Variants in OPCML observed in about 807,000 individuals in gnomAD.
OPCML encodes opioid binding protein/cell adhesion molecule like, also known as opioid-binding protein/cell adhesion molecule.
A neutral mutation model predicts 37.8 loss-of-function variants in OPCML; 13 were observed. The observed-to-expected ratio is 0.34, with a 90% CI of 0.22 to 0.55. OPCML has a LOEUF of 0.55. Among genes scored for constraint, OPCML ranks in the 20% least tolerant of loss-of-function variants. The pLI is 0.91. For synonymous variants in OPCML, 176 were observed against 168.8 expected (o/e 1.04, Z -0.33); for missense variants, 341 against 435.6 (o/e 0.78, Z 1.93).
chr11:132,507,155 A>C, intron 4 of OPCML, among the ~76,000 whole-genome samples: 1 of 152,004 alleles, frequency 6.6e-6, no homozygotes, highest in East Asian at 1.9e-4. Context: ...TTCATATTAA[A>C]GCTCTAATTA....
chr11:133,238,450 A>G (rs1474667956), intron 1 of OPCML, among the ~76,000 whole-genome samples: 1 of 152,228 alleles, frequency 6.6e-6, no homozygotes, highest in East Asian at 1.9e-4. Context: ...CTATTGGCTT[A>G]AATAAATTAT....
At chr11:132,729,292 C>G (rs1944995254) in intron 2 of OPCML, among the ~76,000 whole-genome samples, 1 of 152,126 alleles carries the variant, frequency 6.6e-6, no homozygotes, top group Non-Finnish European at 1.5e-5. Flanking sequence ...TTAAAGCCCT[C>G]ATGAATGGAT....
At chr11:133,468,361 G>C (rs890177032) in intron 1 of OPCML, among the ~76,000 whole-genome samples, 1 of 152,188 alleles carries the variant, frequency 6.6e-6, no homozygotes, top group Admixed American at 6.5e-5. Context: ...CAGATGCTGT[G>C]AGACTGTCAA....
chr11:132,969,928 G>A (rs575494367), intron 1 of OPCML, among the ~76,000 whole-genome samples: 1 of 152,258 alleles, frequency 6.6e-6, no homozygotes, highest in East Asian at 1.9e-4. Flanking sequence ...CTCACAGGCA[G>A]TTTCTGTTGC....
intron 1 of OPCML, among the ~76,000 whole-genome samples, chr11:133,111,077 G>A (rs1355474242): frequency 6.6e-6 from 1 of 152,110 alleles, no homozygotes; most frequent in East Asian, 1.9e-4. Flanking sequence ...AGGTGTTTCT[G>A]GGTCAAAGTT....
chr11:133,207,015 C>T lies in OPCML; in HGVS notation c.62-264005G>A, dbSNP rs373163138. Among the ~76,000 whole-genome samples the T allele has an allele frequency of 3.7e-4, 55 of 150,130 alleles. No homozygotes were observed. The East Asian group carries it at 6.0e-3, about 16-fold the overall frequency. On this transcript the variant is annotated intron_variant, in intron 1 of 7. Coordinates refer to ENST00000524381, the MANE Select transcript of OPCML (RefSeq NM_001012393.5). ...AAAATCTCCTTCTAAGAGCCGGGCGCGGTGGCTCACGCCTGTAATCCCAGC... is the reference window on the plus strand; with the variant it reads ...AAAATCTCCTTCTAAGAGCCGGGCGTGGTGGCTCACGCCTGTAATCCCAGC...
intron 1 of OPCML, chr11:133,361,615 G>A (rs958510738): frequency 1.8e-5 from 3 of 164,016 alleles, no homozygotes; most frequent in Middle Eastern, 3.0e-3. Flanking sequence ...CTACTCCGGG[G>A]CACCTGCAGC....
chr11:133,271,918 GC>G (rs2136482824), intron 1 of OPCML, among the ~76,000 whole-genome samples: 1 of 152,292 alleles, frequency 6.6e-6, no homozygotes, highest in South Asian at 2.1e-4. Context: ...TATAGTCCCT[GC>G]ATCTGTGATG....
rs566716315 is a variant in OPCML, at chr11:133,493,443, G to C, written c.61+38821C>G. Among the ~76,000 whole-genome samples the C allele has an allele frequency of 7.9e-5, 12 of 152,336 alleles. No individual in the cohort carries two copies. The South Asian group carries it at 2.5e-3, about 32-fold the overall frequency. On this transcript the variant is annotated intron_variant, in intron 1 of 7. Transcript: ENST00000524381. ...ACATGGGTGCATAGCCTTCCCCCATGTGTACATGCATACTTTTTTTTACAG... is the reference window on the plus strand; with the variant it reads ...ACATGGGTGCATAGCCTTCCCCCATCTGTACATGCATACTTTTTTTTACAG...
At chr11:132,562,478 C>T (rs1471919916) in intron 3 of OPCML, among the ~76,000 whole-genome samples, 1 of 151,626 alleles carries the variant, frequency 6.6e-6, no homozygotes, top group Non-Finnish European at 1.5e-5. Flanking sequence ...TTCTTTTCTA[C>T]TAGTCCAGAA....
At chr11:132,522,775 A>C (rs768887222) in intron 4 of OPCML, among the ~76,000 whole-genome samples, 1 of 152,206 alleles carries the variant, frequency 6.6e-6, no homozygotes, top group Non-Finnish European at 1.5e-5. Context: ...TGTTCTGCCA[A>C]TGGGCTAACA....
intron 1 of OPCML, among the ~76,000 whole-genome samples, chr11:133,145,401 TTAAAGG>T (rs1949883242): frequency 6.6e-6 from 1 of 152,088 alleles, no homozygotes; most frequent in African/African-American, 2.4e-5. Context: ...ACAGAACCTC[TTAAAGG>T]TAAACCAGAG....
At chr11:133,024,911 A>C (rs555456767) in intron 1 of OPCML, 18 of 985,308 alleles carry the variant, frequency 1.8e-5, no homozygotes, top group Non-Finnish European at 2.0e-5. Flanking sequence ...TATCTACAGC[A>C]TACAAATTTG....
At chr11:132,733,322 G>A (rs1945145984) in intron 2 of OPCML, among the ~76,000 whole-genome samples, 1 of 152,004 alleles carries the variant, frequency 6.6e-6, no homozygotes, top group South Asian at 2.1e-4. Flanking sequence ...AATTCATATA[G>A]CAATGACCCA....
intron 3 of OPCML, among the ~76,000 whole-genome samples, chr11:132,615,098 C>T (rs752388874): frequency 8.5e-5 from 13 of 152,124 alleles, no homozygotes; most frequent in Non-Finnish European, 1.6e-4. Context: ...AAGGAGCTTG[C>T]GTTTTTATTT....
chr11:133,125,089 G>A (rs923662114), intron 1 of OPCML, among the ~76,000 whole-genome samples: 1 of 152,150 alleles, frequency 6.6e-6, no homozygotes, highest in African/African-American at 2.4e-5. Context: ...AATCACTGGA[G>A]ATATACTGAT....
chr11:133,249,869 T>C (rs778496593), intron 1 of OPCML, among the ~76,000 whole-genome samples: 2 of 152,178 alleles, frequency 1.3e-5, no homozygotes, highest in Non-Finnish European at 2.9e-5. Context: ...GCACATCTTG[T>C]CAGAAGCACG....
chr11:132,641,859 G>A (rs963913583), intron 3 of OPCML, among the ~76,000 whole-genome samples: 1 of 152,184 alleles, frequency 6.6e-6, no homozygotes, highest in African/African-American at 2.4e-5. Flanking sequence ...GTGATTAGTT[G>A]TTGGTGCTTT....
At chr11:133,372,550 C>A (rs751964385) in intron 1 of OPCML, among the ~76,000 whole-genome samples, 1 of 152,176 alleles carries the variant, frequency 6.6e-6, no homozygotes, top group Non-Finnish European at 1.5e-5. Flanking sequence ...GAAGCTTACT[C>A]TTCTCATTTA....
Sources: allele counts gnomAD v4.1 joint callset (sites outside exome capture counted in the v4.1 genomes callset), GRCh38; gene constraint gnomAD v4.1.1; transcripts MANE v1.5; gene names NCBI Gene and HGNC (gene_info 2026-07-23, HGNC 2026-07-21).